TMEM144: variants seen among roughly 807,000 people sequenced by gnomAD.
TMEM144 encodes the protein transmembrane protein 144.
TMEM144 carries 39 observed loss-of-function variants against 43.6 expected under a neutral mutation model. The ratio of observed to expected loss-of-function variants is 0.90; its 90% CI spans 0.69 to 1.17. The LOEUF (loss-of-function observed/expected upper bound fraction) is 1.17, where lower values mean the gene tolerates loss of function less well. Among genes scored for constraint, TMEM144 ranks in the 50% most tolerant of loss-of-function variants. The pLI is 0.00. For missense variants in TMEM144, 417 were observed against 411.9 expected (o/e 1.01, Z -0.11); for synonymous variants, 154 against 133.6 (o/e 1.15, Z -1.06).
intron 3 of TMEM144, 25 bp from the exon 4 acceptor site, chr4:158,215,166 T>C (rs1387672212): frequency 1.9e-6 from 3 of 1,613,132 alleles, no homozygotes; most frequent in Non-Finnish European, 2.5e-6. Flanking sequence ...TTTGAACCAC[T>C]AACACTGAGT....
At position 158,254,508 on chromosome 4, in the gene TMEM144, AGCTGCTGGG is replaced by A. The variant is rs1471700216; in HGVS notation, c.*984_*992del. 1 of 147,870 alleles carries A rather than the reference AGCTGCTGGG, an allele frequency of 6.8e-6. No individual in the cohort carries two copies. The allele number at this position is 147,870 out of a possible 1,614,324, so 9.2% of individuals were successfully genotyped here. ...CAGGGTGGCGCACTACTATAATCCC[AGCTGCTGGG>A]GCGGCTGAAGTAGGAGGGTCACTTA... On this transcript the variant is annotated 3_prime_UTR_variant, in exon 13 of 13. Transcript: ENST00000296529.
At position 158,228,203 on chromosome 4, in the gene TMEM144, G is replaced by A. The variant is rs137868599; in HGVS notation, c.414-4698G>A. ...GATCAGGCCACGCTTCCACTCAAATGGAGTAGGCAAGTTCCCAAGACCAGT... is the reference window on the plus strand; with the variant it reads ...GATCAGGCCACGCTTCCACTCAAATAGAGTAGGCAAGTTCCCAAGACCAGT... On this transcript the variant is annotated intron_variant, in intron 6 of 12. Transcript: ENST00000296529. Among the ~76,000 whole-genome samples, 1,129 of 152,184 alleles carry A rather than the reference G, an allele frequency of 7.4e-3. 8 individuals are homozygous for A. The highest frequency in any genetic ancestry group is 0.026 in the African/African-American group (1,081 of 41,532).
chr4:158,241,455 A>T, intron 10 of TMEM144, 54 bp from the exon 11 acceptor site: 2 of 1,332,098 alleles, frequency 1.5e-6, no homozygotes, highest in Non-Finnish European at 1.1e-6. Context: ...GCTCAGTGTG[A>T]GTTCTTCAGG....
At chr4:158,228,063 C>T (rs1734865058) in intron 6 of TMEM144, among the ~76,000 whole-genome samples, 1 of 152,068 alleles carries the variant, frequency 6.6e-6, no homozygotes, top group Non-Finnish European at 1.5e-5. Flanking sequence ...AAAATCAAAA[C>T]CAAAATCAGA....
intron 6 of TMEM144, among the ~76,000 whole-genome samples, chr4:158,228,970 T>A (rs542253768): frequency 2.6e-5 from 4 of 152,190 alleles, no homozygotes; most frequent in Admixed American, 6.5e-5. Context: ...GGGGGCTGCA[T>A]GCACCGGTAA....
intron 6 of TMEM144, among the ~76,000 whole-genome samples, chr4:158,220,011 C>G (rs1221384246): frequency 6.6e-6 from 1 of 152,242 alleles, no homozygotes; most frequent in Non-Finnish European, 1.5e-5. Context: ...TTAACAGGAA[C>G]TGGGTCACCT....
At chr4:158,241,477 G>T in intron 10 of TMEM144, 32 bp from the exon 11 acceptor site, 2 of 1,548,404 alleles carry the variant, frequency 1.3e-6, no homozygotes, top group African/African-American at 1.4e-5. Flanking sequence ...GGGGAACATG[G>T]TCTGCAAATG....
rs1189555524 is a variant in TMEM144, at chr4:158,210,520, G to C, written c.-249G>C. On this transcript the variant is annotated 5_prime_UTR_variant, in exon 1 of 13. Coordinates refer to ENST00000296529, the MANE Select transcript of TMEM144 (RefSeq NM_018342.5). ...ATGAGTCAGGCTCCGGCTCCACACT[G>C]GCACGTAGTGGGCGGATCGCGCCGG... is the stretch of plus-strand genomic sequence containing the variant. 1 of 152,338 alleles carries C rather than the reference G, an allele frequency of 6.6e-6. No individual in the cohort carries two copies. Among genetic ancestry groups the C allele is most frequent in the Non-Finnish European group, 1.5e-5 (1 of 68,126 alleles). 9.4% of individuals were successfully genotyped at this position (152,338 alleles called of 1,614,324 possible). A position where few individuals can be genotyped will look rare whatever the true frequency, so the allele number is the denominator to read the frequency against.
chr4:158,221,634 C>T (rs1017288676), intron 6 of TMEM144, among the ~76,000 whole-genome samples: 1 of 152,164 alleles, frequency 6.6e-6, no homozygotes, highest in African/African-American at 2.4e-5. Flanking sequence ...TAAGGACATG[C>T]TCTCCCTTCT....
intron 6 of TMEM144, among the ~76,000 whole-genome samples, chr4:158,228,279 G>A (rs577113284): frequency 1.1e-4 from 16 of 148,090 alleles, no homozygotes; most frequent in Middle Eastern, 7.5e-3. Flanking sequence ...TCAAAGTGCC[G>A]ATAAAGGCAT....
At chr4:158,223,853 A>G (rs768506273) in intron 6 of TMEM144, among the ~76,000 whole-genome samples, 34 of 152,226 alleles carry the variant, frequency 2.2e-4, no homozygotes, top group Non-Finnish European at 3.8e-4. Flanking sequence ...TGCTATTGTA[A>G]ATAGTGCTGC....
Position 158,238,475 on chromosome 4 carries a change from T to C in TMEM144, c.682+832T>C, listed in dbSNP as rs534047549. On this transcript the variant is annotated intron_variant, in intron 9 of 12. Transcript: ENST00000296529. ...GCCCCATGTATATTACTCAAACCTTTTACTGACTTCTGTCTTTCTTTTGTT... is the reference window on the plus strand; with the variant it reads ...GCCCCATGTATATTACTCAAACCTTCTACTGACTTCTGTCTTTCTTTTGTT... Among the ~76,000 whole-genome samples the C allele has an allele frequency of 2.0e-5, 3 of 152,314 alleles. No individual in the cohort carries two copies. The East Asian group carries it at 5.8e-4, about 29-fold the overall frequency.
At chr4:158,236,563 G>A (rs1000179576) in intron 8 of TMEM144, among the ~76,000 whole-genome samples, 2 of 152,170 alleles carry the variant, frequency 1.3e-5, no homozygotes, top group African/African-American at 4.8e-5. Flanking sequence ...AGGTGGTCTT[G>A]TGAATTTCTA....
intron 4 of TMEM144, among the ~76,000 whole-genome samples, 172 bp from the exon 5 acceptor site, chr4:158,217,149 A>G (rs1734262150): frequency 6.6e-6 from 1 of 152,208 alleles, no homozygotes; most frequent in African/African-American, 2.4e-5. Context: ...ACATACTCAT[A>G]AATTTAATGC....
intron 4 of TMEM144, among the ~76,000 whole-genome samples, chr4:158,216,111 A>G (rs1734207271): frequency 6.6e-6 from 1 of 152,352 alleles, no homozygotes; most frequent in Middle Eastern, 3.4e-3. Flanking sequence ...TTACATTATT[A>G]TACCTCACTT....
intron 6 of TMEM144, among the ~76,000 whole-genome samples, chr4:158,220,868 C>G (rs1342971685): frequency 6.6e-6 from 1 of 152,128 alleles, no homozygotes. Flanking sequence ...AGAACTCTTC[C>G]CGTAGTGCAT....
In TMEM144 at chr4:158,210,518, C is replaced by G. The variant is rs1733901493; in HGVS notation, c.-251C>G. On this transcript the variant is annotated 5_prime_UTR_variant, in exon 1 of 13. Transcript: ENST00000296529. ...GAATGAGTCAGGCTCCGGCTCCACA[C>G]TGGCACGTAGTGGGCGGATCGCGCC... 1 of 152,382 alleles carries G rather than the reference C, an allele frequency of 6.6e-6. No individual in the cohort carries two copies. The highest frequency in any genetic ancestry group is 1.5e-5 in the Non-Finnish European group (1 of 68,164). 9.4% of individuals were successfully genotyped at this position (152,382 alleles called of 1,614,324 possible). A position where few individuals can be genotyped will look rare whatever the true frequency, so the allele number is the denominator to read the frequency against.
chr4:158,229,430 G>A (rs552672099), intron 6 of TMEM144, among the ~76,000 whole-genome samples: 1 of 152,172 alleles, frequency 6.6e-6, no homozygotes, highest in African/African-American at 2.4e-5. Context: ...GATCATTCCT[G>A]TACAGGGTGC....
chr4:158,238,619 A>G (rs1404972218), intron 9 of TMEM144, among the ~76,000 whole-genome samples: 2 of 152,218 alleles, frequency 1.3e-5, no homozygotes, highest in African/African-American at 2.4e-5. Flanking sequence ...AAGAGTGGGT[A>G]TATAAAAGGA....
Sources: gnomAD v4.1 joint callset for allele counts (sites outside exome capture counted in the v4.1 genomes callset) on GRCh38, gnomAD v4.1.1 for gene constraint, MANE v1.5 for transcripts, NCBI Gene and HGNC (gene_info 2026-07-23, HGNC 2026-07-21) for gene names.